Variants in MAP4 observed in about 807,000 individuals in gnomAD.
MAP4 encodes microtubule associated protein 4.
In MAP4, 76 loss-of-function variants were observed where a neutral mutation model predicts 170.2. That is an observed-to-expected ratio of 0.45 (90% CI 0.37 to 0.54). The LOEUF is 0.54. Among genes scored for constraint, MAP4 ranks in the 20% least tolerant of loss-of-function variants. MAP4 has a pLI of 0.00. For synonymous variants in MAP4, 909 were observed against 994.5 expected (o/e 0.91, Z 1.62); for missense variants, 2,506 against 2,748.0 (o/e 0.91, Z 1.97).
chr3:47,857,674 A>G (rs1415962013), intron 17 of MAP4, among the ~76,000 whole-genome samples, 162 bp from the exon 18 acceptor site: 3 of 150,656 alleles, frequency 2.0e-5, no homozygotes, highest in African/African-American at 7.3e-5. Context: ...TAAGTACTTA[A>G]AAGAGCCCTC....
chr3:48,059,037 C>T (rs1456933040), intron 1 of MAP4, among the ~76,000 whole-genome samples: 1 of 152,050 alleles, frequency 6.6e-6, no homozygotes, highest in Non-Finnish European at 1.5e-5. Flanking sequence ...CCTTGGCCTC[C>T]CAAAGTGCTG....
Position 47,912,038 on chromosome 3 carries a change from C to G in MAP4, c.2383G>C (p.Asp795His). The G allele has an allele frequency of 6.5e-7, 1 of 1,536,118 alleles. No homozygotes were observed. Among genetic ancestry groups the G allele is most frequent in the Non-Finnish European group, 8.7e-7 (1 of 1,146,916 alleles). The change falls in exon 9 of 21, where the codon GAT becomes CAT. Residue 795 changes from aspartate to histidine, a missense_variant. Asp to His is a moderately conservative substitution (Grantham distance 81). Transcript: ENST00000683076. ...GCAAATGGATGACCTTTAGGCTTAT[C>G]TGCATTGTCATCATCCGAAGGTCCT... ...AGGPSDDDNADKPKGHPFAAD... is the reference protein window; with the variant it reads ...AGGPSDDDNAHKPKGHPFAAD...
intron 1 of MAP4, among the ~76,000 whole-genome samples, chr3:48,046,248 G>A (rs1270056024): frequency 6.6e-6 from 1 of 151,970 alleles, no homozygotes; most frequent in Non-Finnish European, 1.5e-5. Context: ...CTATCACATA[G>A]ATTTATCACT....
chr3:47,949,995 AAAC>A (rs1213330460), intron 3 of MAP4, among the ~76,000 whole-genome samples: 3 of 152,214 alleles, frequency 2.0e-5, no homozygotes, highest in African/African-American at 7.2e-5. Context: ...GCACTCCAGC[AAAC>A]AATACTCTTG....
chr3:47,866,258 C>A (rs2079641543), intron 17 of MAP4, among the ~76,000 whole-genome samples: 1 of 150,410 alleles, frequency 6.6e-6, no homozygotes, highest in Non-Finnish European at 1.5e-5. Flanking sequence ...AATTGACTGA[C>A]CCTGGTAGGT....
chr3:47,957,732 T>C (rs2100068686), intron 3 of MAP4, among the ~76,000 whole-genome samples: 1 of 152,190 alleles, frequency 6.6e-6, no homozygotes, highest in South Asian at 2.1e-4. Context: ...GTTGGCCTAA[T>C]TAAAATAGGG....
At chr3:47,997,325 C>CAAA (rs1559754149) in intron 2 of MAP4, among the ~76,000 whole-genome samples, 2 of 40,710 alleles carry the variant, frequency 4.9e-5, no homozygotes, top group African/African-American at 4.4e-4. Flanking sequence ...ATTTAAACTG[C>CAAA]TAAAAAAAAA....
chr3:47,952,704 C>G (rs893490002), intron 3 of MAP4, among the ~76,000 whole-genome samples: 1 of 151,322 alleles, frequency 6.6e-6, no homozygotes, highest in African/African-American at 2.4e-5. Context: ...TTGGTCAGAT[C>G]GCGAGATCAG....
At chr3:47,966,451 G>T in intron 3 of MAP4, among the ~76,000 whole-genome samples, 1 of 151,848 alleles carries the variant, frequency 6.6e-6, no homozygotes, top group Non-Finnish European at 1.5e-5. Context: ...GTTTCACCAT[G>T]TTAGCCAGGA....
intron 1 of MAP4, among the ~76,000 whole-genome samples, chr3:48,059,561 A>G (rs1158399273): frequency 6.6e-6 from 1 of 151,342 alleles, no homozygotes; most frequent in African/African-American, 2.4e-5. Context: ...GGATAGCAAC[A>G]TTACAATAAT....
rs374208589 is a variant in MAP4 at position 47,863,937 on chromosome 3, T to TGTGTGTGG, written c.6501+3308_6501+3309insCCACACAC. On this transcript the variant is annotated intron_variant, in intron 17 of 20. Coordinates refer to ENST00000683076, the MANE Select transcript of MAP4 (RefSeq NM_001385682.1). ...GTGGGTGTGGGTGTGTGTGTGTGTGTGGGGAGTGGTGGGGGGTGTAATGCT... is the reference window on the plus strand; with the variant it reads ...GTGGGTGTGGGTGTGTGTGTGTGTGTGTGTGTGGGGGGAGTGGTGGGGGGTGTAATGCT... Among the ~76,000 whole-genome samples the TGTGTGTGG allele has an allele frequency of 6.9e-4, 95 of 138,468 alleles. 2 individuals are homozygous for TGTGTGTGG. Among genetic ancestry groups the TGTGTGTGG allele is most frequent in the African/African-American group, 2.6e-3 (94 of 36,670 alleles). 90.8% of individuals were successfully genotyped at this position (138,468 alleles called of 152,430 possible).
At chr3:47,863,828 G>A (rs2073396847) in intron 17 of MAP4, among the ~76,000 whole-genome samples, 2 of 151,598 alleles carry the variant, frequency 1.3e-5, no homozygotes, top group South Asian at 2.1e-4. Context: ...TCTGTCTGTC[G>A]GGGGCATTTT....
chr3:47,916,257 G>T lies in MAP4; in HGVS notation c.1570C>A (p.Pro524Thr). 1 of 1,614,194 alleles carries T rather than the reference G, an allele frequency of 6.2e-7. No individual in the cohort carries two copies. The highest frequency in any genetic ancestry group is 8.5e-7 in the Non-Finnish European group (1 of 1,180,036). Residue 524 changes from proline to threonine, a missense_variant, in exon 7 of 21, where the codon CCA (proline) becomes ACA (threonine). Pro to Thr is a conservative substitution (Grantham distance 38, BLOSUM62 -1). This residue lies in a region of MAP4 where 2,008 missense variants were observed against 2,206.0 expected (regional missense o/e 0.91). Transcript: ENST00000683076. ...MALGKDVTPPPETEVVLIKNV... is the reference protein window; with the variant it reads ...MALGKDVTPPTETEVVLIKNV... The stretch of plus-strand genomic sequence containing the variant: ...TTGATGAGAACTACTTCTGTTTCTG[G>T]AGGTGGAGTCACATCCTTGCCCAGA...
intron 2 of MAP4, among the ~76,000 whole-genome samples, chr3:47,983,087 T>C (rs2100086364): frequency 6.6e-6 from 1 of 152,078 alleles, no homozygotes; most frequent in Non-Finnish European, 1.5e-5. Flanking sequence ...TTATCTTCAT[T>C]AGAGACAGGT....
chr3:47,912,208 T>C lies in MAP4; in HGVS notation c.2213A>G (p.Asn738Ser), dbSNP rs776536225. Residue 738 changes from asparagine to serine, a missense_variant, in exon 9 of 21, where the codon AAC becomes AGC. Coordinates refer to ENST00000683076, the MANE Select transcript of MAP4 (RefSeq NM_001385682.1). Reference protein sequence around the residue: ...SGSSSCGGPGNQRKSIHVDSL... With the variant: ...SGSSSCGGPGSQRKSIHVDSL... ...GTCAACATGAATACTTTTTCTTTGG[T>C]TCCCAGGCCCACCACAGGAGGATGA... 11 of 1,535,950 alleles carry C rather than the reference T, an allele frequency of 7.2e-6. No homozygotes were observed. In the South Asian group the frequency reaches 1.3e-4, roughly 18 times the overall value.
intron 17 of MAP4, among the ~76,000 whole-genome samples, chr3:47,861,013 CAGG>C (rs1405671886): frequency 6.6e-6 from 1 of 152,032 alleles, no homozygotes; most frequent in African/African-American, 2.4e-5. Context: ...CATTTGAGGT[CAGG>C]AGTTCGAGAA....
chr3:48,012,504 A>G (rs1180220918), intron 1 of MAP4, among the ~76,000 whole-genome samples: 1 of 152,236 alleles, frequency 6.6e-6, no homozygotes, highest in African/African-American at 2.4e-5. Context: ...CATAAGATGC[A>G]ATCTACTCAA....
chr3:47,902,987 T>G lies in MAP4; in HGVS notation c.5397A>C (p.Ser1799=). ...KQLKSAVCLS[S]STVYQQLGMS... ...TTCCCAGCTGCTGGTAGACAGTTGATGAGCTCAAGCAAACTGAAGAAAGAA... is the reference window on the plus strand; with the variant it reads ...TTCCCAGCTGCTGGTAGACAGTTGAGGAGCTCAAGCAAACTGAAGAAAGAA... The change falls in exon 10 of 21, where the codon TCA becomes TCC. Residue 1799 remains serine (S), a synonymous_variant. Coordinates refer to ENST00000683076, the MANE Select transcript of MAP4 (RefSeq NM_001385682.1). The G allele has an allele frequency of 1.0e-6, 1 of 985,150 alleles. No homozygotes were observed. The highest frequency in any genetic ancestry group is 5.2e-4 in the Middle Eastern group (1 of 1,914). The allele number at this position is 985,150 out of a possible 1,614,324, so 61.0% of individuals were successfully genotyped here.
chr3:48,004,424 TAATG>T (rs1472108393), intron 1 of MAP4, among the ~76,000 whole-genome samples: 3 of 152,188 alleles, frequency 2.0e-5, no homozygotes, highest in Admixed American at 6.5e-5. Context: ...CCAACGAACA[TAATG>T]AAGCTGGTTG....
Sources: allele counts gnomAD v4.1 joint callset (sites outside exome capture counted in the v4.1 genomes callset), GRCh38; gene constraint gnomAD v4.1.1; regional missense constraint gnomAD v4.1.1; transcripts MANE v1.5; gene names NCBI Gene and HGNC (gene_info 2026-07-23, HGNC 2026-07-21).